The following LAMA2 variants were observed in gnomAD, a reference collection of about 807,000 sequenced individuals.
The protein encoded by LAMA2 is laminin subunit alpha 2.
In LAMA2, 269 loss-of-function variants were observed where a neutral mutation model predicts 364.8. The observed-to-expected ratio is 0.74, with a 90% confidence interval of 0.67 to 0.82. The LOEUF (loss-of-function observed/expected upper bound fraction) is 0.82. LAMA2 is among the 40% of genes least tolerant of loss of function. LAMA2 has a pLI of 0.00. For missense variants in LAMA2, 3,807 were observed against 3,873.2 expected, an observed-to-expected ratio of 0.98 and a Z score of 0.45; for synonymous variants, 1,379 against 1,370.6, an observed-to-expected ratio of 1.01 and a Z score of -0.14.
At chr6:129,353,583 A>C (rs1391906742) in intron 32 of LAMA2, among the ~76,000 whole-genome samples, 1 of 151,692 alleles carries the variant, frequency 6.6e-6, no homozygotes, top group African/African-American at 2.4e-5. Context: ...AGTGTGCTTT[A>C]GTCAGTTCAT....
At chr6:129,483,158 CA>C (rs1784433621) in intron 55 of LAMA2, among the ~76,000 whole-genome samples, 1 of 148,158 alleles carries the variant, frequency 6.7e-6, no homozygotes, top group East Asian at 2.0e-4. Context: ...TAAAATTTAA[CA>C]GTCATTCATG....
At position 129,420,102 on chromosome 6, in the gene LAMA2, C is replaced by T. The variant is rs540891631; in HGVS notation, c.5866-7650C>T. On this transcript the variant is annotated intron_variant, in intron 40 of 64. Coordinates refer to ENST00000421865, the MANE Select transcript of LAMA2 (RefSeq NM_000426.4). ...ATACGAGTAATTACTTTTGTAATAT[C>T]ATTGTATATCTACTCATATCTTTTC... Among the ~76,000 whole-genome samples, 35 of 152,122 alleles carry T rather than the reference C, an allele frequency of 2.3e-4. No individual in the cohort carries two copies. In the South Asian group the frequency reaches 6.7e-3, roughly 29 times the overall value.
intron 3 of LAMA2, among the ~76,000 whole-genome samples, chr6:129,069,358 A>G (rs1223028610): frequency 6.7e-6 from 1 of 149,416 alleles, no homozygotes; most frequent in African/African-American, 2.4e-5. Context: ...TTTTACTTAC[A>G]TATTATGCTT....
At chr6:129,148,054 A>G (rs2114966139) in intron 6 of LAMA2, among the ~76,000 whole-genome samples, 1 of 152,190 alleles carries the variant, frequency 6.6e-6, no homozygotes, top group South Asian at 2.1e-4. Context: ...ATAATTTTCC[A>G]CAGGCTTTAC....
Position 129,144,058 on chromosome 6 carries a change from T to C in LAMA2, c.797T>C (p.Ile266Thr). ...TTTGCTCACAAAGACCCAAGAGAAA[T>C]TGACCCCATTGTCACCAGAAGAGTA... ...MMFAHKDPRE[I>T]DPIVTRRYYY... is the part of the protein sequence containing the mutation. Residue 266 changes from isoleucine to threonine, a missense_variant, in exon 5 of 65, where the codon ATT (isoleucine) becomes ACT (threonine). Around this residue, in one of 3 missense-constraint regions of LAMA2, gnomAD observed 394 missense variants for 403.5 expected, o/e 0.98. Coordinates refer to ENST00000421865, the MANE Select transcript of LAMA2 (RefSeq NM_000426.4). The C allele has an allele frequency of 6.2e-7, 1 of 1,612,302 alleles. No individual in the cohort carries two copies. The highest frequency in any genetic ancestry group is 1.7e-4 in the Middle Eastern group (1 of 6,050).
intron 8 of LAMA2, among the ~76,000 whole-genome samples, chr6:129,163,313 A>G (rs1240236757): frequency 6.6e-6 from 1 of 152,080 alleles, no homozygotes; most frequent in Non-Finnish European, 1.5e-5. Context: ...CATATAATGT[A>G]TCTTTAATTT....
rs1776734865 is a variant in LAMA2, at chr6:129,349,368, G to T, written c.4507G>T (p.Gly1503Cys). The change falls in exon 31 of 65, where the codon GGC (glycine) becomes TGC (cysteine). Residue 1503 changes from glycine (G) to cysteine (C), a missense_variant. Gly to Cys is a radical substitution (Grantham distance 159). Transcript: ENST00000421865. ...RCTACPRGYE[G>C]QYCERCAPGY... is the part of the protein sequence containing the mutation. Reference sequence around the variant, plus strand: ...CACGGCTTGTCCACGGGGATATGAAGGCCAGTACTGTGAAAGGTACCAACA... The same window carrying T: ...CACGGCTTGTCCACGGGGATATGAATGCCAGTACTGTGAAAGGTACCAACA... 3 of 1,613,238 alleles carry T rather than the reference G, an allele frequency of 1.9e-6. No homozygotes were observed. The highest frequency in any genetic ancestry group is 2.5e-6 in the Non-Finnish European group (3 of 1,179,368).
At chr6:129,202,441 A>T (rs1339058452) in intron 12 of LAMA2, among the ~76,000 whole-genome samples, 1 of 152,046 alleles carries the variant, frequency 6.6e-6, no homozygotes, top group Non-Finnish European at 1.5e-5. Flanking sequence ...GAGGTTGAGG[A>T]TGCTGCCTTG....
chr6:129,426,706 G>A (rs1222623828), intron 40 of LAMA2, among the ~76,000 whole-genome samples: 1 of 152,086 alleles, frequency 6.6e-6, no homozygotes, highest in Non-Finnish European at 1.5e-5. Context: ...TCTGTTCTAT[G>A]AGCAATCAAT....
In LAMA2 at chr6:129,516,420, C is replaced by A; in HGVS notation, c.*73C>A. ...AAGTAAAACAAACAAATATATTTTA[C>A]CTATATATGTTAATTAAACTAATTT... On this transcript the variant is annotated 3_prime_UTR_variant, in exon 65 of 65. Coordinates refer to ENST00000421865, the MANE Select transcript of LAMA2 (RefSeq NM_000426.4). 1 of 1,421,198 alleles carries A rather than the reference C, an allele frequency of 7.0e-7. No individual in the cohort carries two copies. The highest frequency in any genetic ancestry group is 9.8e-7 in the Non-Finnish European group (1 of 1,024,568). The allele number at this position is 1,421,198 out of a possible 1,614,324, so 88.0% of individuals were successfully genotyped here. A position where few individuals can be genotyped will look rare whatever the true frequency, so the allele number is the denominator to read the frequency against.
At chr6:128,933,966 C>T (rs1779653889) in intron 1 of LAMA2, among the ~76,000 whole-genome samples, 1 of 152,088 alleles carries the variant, frequency 6.6e-6, no homozygotes, top group Non-Finnish European at 1.5e-5. Flanking sequence ...TTTGTTTTTG[C>T]TTTCATTGCC....
At chr6:129,057,458 A>G (rs1274627255) in intron 2 of LAMA2, among the ~76,000 whole-genome samples, 1 of 152,232 alleles carries the variant, frequency 6.6e-6, no homozygotes, top group South Asian at 2.1e-4. Context: ...TGAAATAATA[A>G]TGATGCTTTA....
At chr6:129,127,404 G>A (rs142635925) in intron 4 of LAMA2, among the ~76,000 whole-genome samples, 41 of 152,270 alleles carry the variant, frequency 2.7e-4, no homozygotes, top group African/African-American at 8.9e-4. Flanking sequence ...TGTGTACGAC[G>A]TTTTCTTTAT....
intron 1 of LAMA2, among the ~76,000 whole-genome samples, chr6:129,044,905 T>C (rs910074558): frequency 1.3e-5 from 2 of 152,266 alleles, no homozygotes; most frequent in Admixed American, 1.3e-4. Context: ...GTAACACATA[T>C]TGAATATGGA....
intron 58 of LAMA2, among the ~76,000 whole-genome samples, chr6:129,496,551 GTAT>G (rs1439800733): frequency 6.6e-6 from 1 of 151,978 alleles, no homozygotes; most frequent in East Asian, 1.9e-4. Flanking sequence ...TCTATTAATT[GTAT>G]TATATTTTAG....
At chr6:129,150,215 G>A (rs1778711410) in intron 7 of LAMA2, among the ~76,000 whole-genome samples, 1 of 152,152 alleles carries the variant, frequency 6.6e-6, no homozygotes, top group East Asian at 1.9e-4. Context: ...ACCATTGGAA[G>A]CCCAGCCTTT....
At chr6:129,161,597 C>T (rs1294965341) in intron 8 of LAMA2, among the ~76,000 whole-genome samples, 1 of 151,986 alleles carries the variant, frequency 6.6e-6, no homozygotes, top group African/African-American at 2.4e-5. Context: ...ATTTGGTGTA[C>T]AGATTATTTT....
At chr6:129,460,937 A>G (rs909128745) in intron 49 of LAMA2, among the ~76,000 whole-genome samples, 1 of 152,084 alleles carries the variant, frequency 6.6e-6, no homozygotes. Context: ...GACCTCAATT[A>G]TAAGATAGAG....
intron 34 of LAMA2, among the ~76,000 whole-genome samples, chr6:129,382,079 A>T (rs910949953): frequency 6.6e-6 from 1 of 152,226 alleles, no homozygotes; most frequent in Non-Finnish European, 1.5e-5. Flanking sequence ...TTCTCTGGCC[A>T]TGCCTAGTAT....
Sources: allele counts gnomAD v4.1 joint callset (sites outside exome capture counted in the v4.1 genomes callset), GRCh38; gene constraint gnomAD v4.1.1; regional missense constraint gnomAD v4.1.1; transcripts MANE v1.5; gene names NCBI Gene and HGNC (gene_info 2026-07-23, HGNC 2026-07-21).